RYR2: variants seen among roughly 807,000 people sequenced by gnomAD.
The protein encoded by RYR2 is cardiac muscle ryanodine receptor-calcium release channel.
Under a neutral mutation model 601.1 loss-of-function variants are expected in RYR2, and 227 were observed. That is an observed-to-expected ratio of 0.38 (90% CI 0.34 to 0.42). The LOEUF is 0.42. Among genes scored for constraint, RYR2 ranks in the 10% least tolerant of loss-of-function variants. RYR2 has a pLI of 1.00. For missense variants in RYR2, 4,646 were observed against 6,156.5 expected, an observed-to-expected ratio of 0.75 and a Z score of 8.21; for synonymous variants, 2,223 against 2,175.1, an observed-to-expected ratio of 1.02 and a Z score of -0.61.
At chr1:237,228,938 T>A (rs1229704733) in intron 1 of RYR2, among the ~76,000 whole-genome samples, 1 of 152,210 alleles carries the variant, frequency 6.6e-6, no homozygotes, top group Non-Finnish European at 1.5e-5. Context: ...TAGTGACAGC[T>A]AACATTGTGC....
At chr1:237,818,596 A>G (rs916561292) in intron 100 of RYR2, among the ~76,000 whole-genome samples, 2 of 152,050 alleles carry the variant, frequency 1.3e-5, no homozygotes, top group African/African-American at 2.4e-5. Flanking sequence ...GGGTGTTAGT[A>G]TGTTTTCTTC....
In RYR2 at chr1:237,731,568, C is replaced by T. The variant is rs140539791; in HGVS notation, c.10936-478C>T. 8.0e-3 allele frequency among the ~76,000 whole-genome samples: 1,219 copies of T among 152,066 alleles called. 13 individuals are homozygous for T. Among genetic ancestry groups the T allele is most frequent in the African/African-American group, 0.027 (1,133 of 41,504 alleles). On this transcript the variant is annotated intron_variant, in intron 77 of 104. Transcript: ENST00000366574. ...GATTTTATTGCAAATATTTGTAAAT[C>T]GAGTCCTCCCTAAAGCTAAAATCCA...
chr1:237,334,369 A>G lies in RYR2; in HGVS notation c.273+3387A>G, dbSNP rs201055232. Reference sequence around the variant, plus strand: ...TGTGACTATTAGTAAAATAACTCATATTTTTGTGGCACCAAAATCATTCTG... The same window carrying G: ...TGTGACTATTAGTAAAATAACTCATGTTTTTGTGGCACCAAAATCATTCTG... On this transcript the variant is annotated intron_variant, in intron 3 of 104. Transcript: ENST00000366574. 4.9e-4 allele frequency among the ~76,000 whole-genome samples: 75 copies of G among 151,810 alleles called. 1 individual carries two copies. The East Asian group carries it at 8.5e-3, about 17-fold the overall frequency.
chr1:237,279,429 G>A (rs1297569755), intron 2 of RYR2, among the ~76,000 whole-genome samples: 1 of 152,118 alleles, frequency 6.6e-6, no homozygotes, highest in Non-Finnish European at 1.5e-5. Context: ...AAATTCTGAT[G>A]ATTGCACCAC....
At chr1:237,444,825 T>TA (rs577157747) in intron 13 of RYR2, among the ~76,000 whole-genome samples, 28 of 152,182 alleles carry the variant, frequency 1.8e-4, no homozygotes, top group Admixed American at 3.9e-4. Context: ...AGAAAAGAAA[T>TA]ATATGTATAC....
chr1:237,506,479 A>G (rs1249561606), intron 22 of RYR2, among the ~76,000 whole-genome samples: 1 of 151,826 alleles, frequency 6.6e-6, no homozygotes, highest in East Asian at 1.9e-4. Flanking sequence ...CGGAGCTTGC[A>G]GTGAGCAGAG....
At position 237,773,654 on chromosome 1, in the gene RYR2, C is replaced by A. The variant is rs758183625; in HGVS notation, c.11775+6C>A. The A allele has an allele frequency of 7.5e-6, 12 of 1,609,822 alleles. No individual in the cohort carries two copies. Among genetic ancestry groups the A allele is most frequent in the Non-Finnish European group, 1.0e-5 (12 of 1,177,420 alleles). ...CTCTTACAGAGTATATTCAGGTAAA[C>A]ATTTAAACATGGCTGCTATCTGTAG... On this transcript the variant is annotated splice_donor_region_variant and intron_variant, in intron 87 of 104. Coordinates refer to ENST00000366574, the MANE Select transcript of RYR2 (RefSeq NM_001035.3).
intron 34 of RYR2, among the ~76,000 whole-genome samples, chr1:237,596,976 T>C (rs1675961234): frequency 6.6e-6 from 1 of 152,324 alleles, no homozygotes; most frequent in East Asian, 1.9e-4. Flanking sequence ...TCACCACCTC[T>C]GGACCTGCCT....
chr1:237,523,793 G>A (rs1272394831), intron 24 of RYR2, among the ~76,000 whole-genome samples: 4 of 150,452 alleles, frequency 2.7e-5, no homozygotes, highest in Non-Finnish European at 5.9e-5. Context: ...TACACAGATG[G>A]CTAATAAAGT....
intron 21 of RYR2, 72 bp downstream of exon 21, chr1:237,500,975 C>A (rs1664575862): frequency 3.7e-6 from 5 of 1,353,688 alleles, no homozygotes; most frequent in Non-Finnish European, 3.2e-6. Context: ...CTCTGCACTG[C>A]CATTGCCCTT....
chr1:237,395,518 C>T (rs1252838573), intron 10 of RYR2, among the ~76,000 whole-genome samples: 4 of 146,644 alleles, frequency 2.7e-5, no homozygotes, highest in Admixed American at 1.4e-4. Context: ...AGGACACGTC[C>T]GCTAGTAGGA....
chr1:237,726,401 C>T, intron 75 of RYR2, 93 bp downstream of exon 75: 1 of 800,252 alleles, frequency 1.2e-6, no homozygotes, highest in Non-Finnish European at 2.1e-6. Flanking sequence ...TCTCTTTCTT[C>T]TCTTAGAGTT....
intron 1 of RYR2, among the ~76,000 whole-genome samples, chr1:237,213,352 A>T (rs1007744344): frequency 6.6e-6 from 1 of 151,628 alleles, no homozygotes; most frequent in Non-Finnish European, 1.5e-5. Context: ...TAATTTTTGA[A>T]TTTTTTGTAT....
At position 237,654,777 on chromosome 1, in the gene RYR2, A is replaced by G. The variant is rs76916405; in HGVS notation, c.7965+363A>G. 1.1e-4 allele frequency among the ~76,000 whole-genome samples: 17 copies of G among 152,340 alleles called. No individual in the cohort carries two copies. In the East Asian group the frequency reaches 3.1e-3, roughly 28 times the overall value. The stretch of plus-strand genomic sequence containing the variant: ...TATATCCAATATAAAAATACAAAAC[A>G]TGAAATCTTATGTAATTGTAATATC... On this transcript the variant is annotated intron_variant, in intron 52 of 104. Coordinates refer to ENST00000366574, the MANE Select transcript of RYR2 (RefSeq NM_001035.3).
At chr1:237,421,164 G>A (rs949717747) in intron 11 of RYR2, among the ~76,000 whole-genome samples, 5 of 152,154 alleles carry the variant, frequency 3.3e-5, no homozygotes, top group African/African-American at 4.8e-5. Context: ...GCTTGAACCC[G>A]GGAGGCGGAG....
At chr1:237,710,586 G>A (rs867187988) in intron 70 of RYR2, among the ~76,000 whole-genome samples, 9 of 152,148 alleles carry the variant, frequency 5.9e-5, no homozygotes, top group Admixed American at 2.6e-4. Flanking sequence ...TCTTCACAAA[G>A]ATACAAATTT....
intron 1 of RYR2, among the ~76,000 whole-genome samples, chr1:237,219,548 C>T (rs1446145494): frequency 1.3e-5 from 2 of 152,066 alleles, no homozygotes; most frequent in Non-Finnish European, 2.9e-5. Flanking sequence ...TAATTACTAA[C>T]AAAGTAAAAA....
chr1:237,194,910 G>A (rs1398817634), intron 1 of RYR2, among the ~76,000 whole-genome samples: 2 of 152,110 alleles, frequency 1.3e-5, no homozygotes, highest in African/African-American at 2.4e-5. Context: ...TACCTGAACC[G>A]CAGTTTCTTC....
At chr1:237,509,616 T>A (rs1472944724) in intron 23 of RYR2, among the ~76,000 whole-genome samples, 1 of 152,192 alleles carries the variant, frequency 6.6e-6, no homozygotes, top group African/African-American at 2.4e-5. Flanking sequence ...ATTTGCCTGG[T>A]GTGTTTAGTA....
Sources: allele counts gnomAD v4.1 joint callset (sites outside exome capture counted in the v4.1 genomes callset), GRCh38; gene constraint gnomAD v4.1.1; transcripts MANE v1.5; gene names NCBI Gene and HGNC (gene_info 2026-07-23, HGNC 2026-07-21).